The following ZBTB26 variants were observed in gnomAD, a reference collection of about 807,000 sequenced individuals.
ZBTB26 encodes zinc finger and BTB domain containing 26.
A neutral mutation model predicts 31.6 loss-of-function variants in ZBTB26; 12 were observed. The ratio of observed to expected loss-of-function variants is 0.38; its 90% CI spans 0.24 to 0.61. ZBTB26 has a LOEUF of 0.61. Among genes scored for constraint, ZBTB26 ranks in the 20% least tolerant of loss-of-function variants. ZBTB26 has a pLI of 0.60. For missense variants in ZBTB26, 311 were observed against 521.9 expected, an observed-to-expected ratio of 0.60 and a Z score of 3.94; for synonymous variants, 155 against 182.9, an observed-to-expected ratio of 0.85 and a Z score of 1.23.
rs1382927547 is a variant in ZBTB26, at chr9:122,919,914, G to C, written c.21C>G (p.Leu7=). 6.3e-7 allele frequency: 1 copy of C among 1,594,016 alleles called. No individual in the cohort carries two copies. Among genetic ancestry groups the C allele is most frequent in the Non-Finnish European group, 8.5e-7 (1 of 1,171,218 alleles). The part of the protein sequence containing the change: MSERSD[L]LHFKFENYGD... ...CATAATTTTCAAACTTGAAGTGAAG[G>C]AGATCTGATCTTTCAGACATTTTGG... The change falls in exon 2 of 2, where the codon CTC becomes CTG. Residue 7 remains leucine (L), a synonymous_variant. Transcript: ENST00000373656. This position sits in a 1 kb window ranked among gnomAD's most constrained non-coding sequence, Gnocchi z 6.1.
rs771072868 is a variant in ZBTB26 at position 122,919,407 on chromosome 9, C to T, written c.528G>A (p.Glu176=). 54 of 1,614,032 alleles carry T rather than the reference C, an allele frequency of 3.3e-5. No individual in the cohort carries two copies. The highest frequency in any genetic ancestry group is 4.4e-5 in the Non-Finnish European group (52 of 1,180,028). ...IHPSEDSMDM[E]DSDIQIVKVE... is the part of the protein sequence containing the mutation. ...CCTTAACAATCTGAATATCACTGTC[C>T]TCCATATCCATACTGTCTTCAGATG... Residue 176 remains glutamate (E), a synonymous_variant, in exon 2 of 2, where the codon GAG becomes GAA. Transcript: ENST00000373656. The surrounding 1 kb of genome is among the most constrained non-coding windows in gnomAD (Gnocchi z 6.1).
chr9:122,928,124 T>C (rs1486823771), intron 1 of ZBTB26, among the ~76,000 whole-genome samples: 5 of 152,188 alleles, frequency 3.3e-5, no homozygotes, highest in Non-Finnish European at 7.4e-5. Context: ...CATGAACCGC[T>C]GTGCCCGGCC....
At chr9:122,923,205 AAAAG>A (rs1436911446) in intron 1 of ZBTB26, among the ~76,000 whole-genome samples, 8 of 151,758 alleles carry the variant, frequency 5.3e-5, no homozygotes, top group African/African-American at 1.7e-4. Context: ...AGAAAAAAAA[AAAAG>A]AAAGAGAGGT....
At chr9:122,925,257 C>T (rs919508461) in intron 1 of ZBTB26, among the ~76,000 whole-genome samples, 20 of 152,092 alleles carry the variant, frequency 1.3e-4, no homozygotes, top group African/African-American at 4.6e-4. Context: ...CCTGTAGTCC[C>T]AGCTTCTTGG....
chr9:122,930,741 T>C (rs999046634), intron 1 of ZBTB26, among the ~76,000 whole-genome samples: 9 of 152,166 alleles, frequency 5.9e-5, no homozygotes, highest in African/African-American at 1.9e-4. Context: ...CAGTCATTTC[T>C]CCACAGTATT....
chr9:122,923,133 G>A (rs1232611328), intron 1 of ZBTB26, among the ~76,000 whole-genome samples: 1 of 143,436 alleles, frequency 7.0e-6, no homozygotes, highest in Non-Finnish European at 1.5e-5. Flanking sequence ...GCAGTGAGCC[G>A]AGATTGCGCC....
intron 1 of ZBTB26, among the ~76,000 whole-genome samples, chr9:122,928,332 G>A (rs1425380662): frequency 1.3e-5 from 2 of 151,628 alleles, no homozygotes; most frequent in African/African-American, 2.4e-5. Flanking sequence ...ACCAAGTCTC[G>A]CTCTGTTGCC....
Position 122,918,523 on chromosome 9 carries a change from A to T in ZBTB26, c.*86T>A. 3 of 1,528,072 alleles carry T rather than the reference A, an allele frequency of 2.0e-6. No individual in the cohort carries two copies. The highest frequency in any genetic ancestry group is 2.6e-6 in the Non-Finnish European group (3 of 1,144,722). 94.7% of individuals were successfully genotyped at this position (1,528,072 alleles called of 1,614,324 possible). A position where few individuals can be genotyped will look rare whatever the true frequency, so the allele number is the denominator to read the frequency against. On this transcript the variant is annotated 3_prime_UTR_variant, in exon 2 of 2. Coordinates refer to ENST00000373656, the MANE Select transcript of ZBTB26 (RefSeq NM_020924.4). ...ACCACCTACACAGAGGCTTTGGAGA[A>T]GTCAAACTAGCAAAATCACTCCTAA... is the stretch of plus-strand genomic sequence containing the variant.
rs375138515 is a variant in ZBTB26 at position 122,916,823 on chromosome 9, C to G, written c.*1786G>C. The G allele has an allele frequency of 2.0e-5, 3 of 152,270 alleles. No individual in the cohort carries two copies. In the East Asian group the frequency reaches 5.8e-4, roughly 29 times the overall value. 9.4% of individuals were successfully genotyped at this position (152,270 alleles called of 1,614,324 possible). A position where few individuals can be genotyped will look rare whatever the true frequency, so the allele number is the denominator to read the frequency against. ...CATGATGATAATTTACATATGATAA[C>G]AATGATACATGTAAACGTATCAAAT... On this transcript the variant is annotated 3_prime_UTR_variant, in exon 2 of 2. Coordinates refer to ENST00000373656, the MANE Select transcript of ZBTB26 (RefSeq NM_020924.4).
chr9:122,922,522 T>C (rs1051956713), intron 1 of ZBTB26, among the ~76,000 whole-genome samples: 3 of 152,232 alleles, frequency 2.0e-5, no homozygotes, highest in East Asian at 3.8e-4. Context: ...TGAATTATAT[T>C]ATACTTATTG....
chr9:122,924,062 G>T (rs529489525), intron 1 of ZBTB26, among the ~76,000 whole-genome samples: 6 of 152,186 alleles, frequency 3.9e-5, no homozygotes, highest in African/African-American at 1.4e-4. Context: ...AGTATACTCC[G>T]TGATATTCAC....
intron 1 of ZBTB26, among the ~76,000 whole-genome samples, chr9:122,920,402 A>G (rs1025644557): frequency 6.6e-6 from 1 of 152,184 alleles, no homozygotes; most frequent in East Asian, 1.9e-4. Flanking sequence ...TCAGAACTCT[A>G]ATATGGAGAT....
intron 1 of ZBTB26, among the ~76,000 whole-genome samples, chr9:122,921,243 T>C (rs1833093437): frequency 6.6e-6 from 1 of 152,208 alleles, no homozygotes; most frequent in Admixed American, 6.5e-5. Flanking sequence ...AGGGAAAAGA[T>C]AAATTTGCCA....
chr9:122,924,089 C>G (rs373368635), intron 1 of ZBTB26, among the ~76,000 whole-genome samples: 20 of 152,180 alleles, frequency 1.3e-4, no homozygotes, highest in African/African-American at 4.8e-4. Flanking sequence ...ATGAAATCAC[C>G]TAACGACGCA....
At chr9:122,924,954 C>T (rs914517382) in intron 1 of ZBTB26, among the ~76,000 whole-genome samples, 4 of 152,014 alleles carry the variant, frequency 2.6e-5, no homozygotes, top group African/African-American at 7.2e-5. Flanking sequence ...GTTTTAAACA[C>T]TTAAAAAAAA....
At chr9:122,920,277 G>A (rs754288394) in intron 1 of ZBTB26, among the ~76,000 whole-genome samples, 44 of 152,224 alleles carry the variant, frequency 2.9e-4, no homozygotes, top group Admixed American at 5.2e-4. Flanking sequence ...AATTCTATCA[G>A]GTTTCTAAAG....
chr9:122,921,626 C>G (rs1399895216), intron 1 of ZBTB26, among the ~76,000 whole-genome samples: 1 of 152,156 alleles, frequency 6.6e-6, no homozygotes, highest in Admixed American at 6.5e-5. Context: ...TACTTGTTTC[C>G]TTAGTTTAAA....
rs1833024319 is a variant in ZBTB26 at position 122,916,962 on chromosome 9, T to C, written c.*1647A>G. The C allele has an allele frequency of 6.6e-6, 1 of 152,208 alleles. No individual in the cohort carries two copies. The highest frequency in any genetic ancestry group is 2.4e-5 in the African/African-American group (1 of 41,448). The allele number at this position is 152,208 out of a possible 1,614,324, so 9.4% of individuals were successfully genotyped here. On this transcript the variant is annotated 3_prime_UTR_variant, in exon 2 of 2. Transcript: ENST00000373656. ...CCTGATGGAAACTAATAAACAGTTT[T>C]CCACACAAAATCAACTTCGCATTTA... is the stretch of plus-strand genomic sequence containing the variant.
At position 122,925,273 on chromosome 9, in the gene ZBTB26, TG is replaced by T. The variant is rs1430822680; in HGVS notation, c.-10-5330del. On this transcript the variant is annotated intron_variant, in intron 1 of 1. Coordinates refer to ENST00000373656, the MANE Select transcript of ZBTB26 (RefSeq NM_020924.4). ...CTGTAGTCCCAGCTTCTTGGGAGGC[TG>T]AATGGGAGGATGGCTTGAGCCCACG... Among the ~76,000 whole-genome samples, 3 of 152,064 alleles carry T rather than the reference TG, an allele frequency of 2.0e-5. No individual in the cohort carries two copies. In the East Asian group the frequency reaches 5.8e-4, roughly 29 times the overall value.
Sources: gnomAD v4.1 joint callset for allele counts (sites outside exome capture counted in the v4.1 genomes callset) on GRCh38, gnomAD v4.1.1 for gene constraint, Gnocchi (gnomAD v3.1) non-coding constraint, MANE v1.5 for transcripts, NCBI Gene and HGNC (gene_info 2026-07-23, HGNC 2026-07-21) for gene names.